IL15RA: variants seen among roughly 807,000 people sequenced by gnomAD.
IL15RA encodes interleukin 15 receptor subunit alpha.
A neutral mutation model predicts 24.2 loss-of-function variants in IL15RA; 26 were observed. The observed-to-expected ratio is 1.07, with a 90% CI of 0.79 to 1.49. The LOEUF is 1.49. Among genes scored for constraint, IL15RA ranks in the 40% most tolerant of loss-of-function variants. The pLI is 0.00. For synonymous variants in IL15RA, 166 were observed against 157.6 expected (o/e 1.05, Z -0.40); for missense variants, 354 against 356.4 (o/e 0.99, Z 0.05).
Position 5,953,173 on chromosome 10 carries a change from T to C in IL15RA, c.726A>G (p.Glu242=). ...QTPPLASVEM[E]AMEALPVTWG... Reference sequence around the variant, plus strand: ...AAGTCACCGGCAGAGCCTCCATGGCTTCCATTTCAACGCTGGCCAGCGGGG... The same window carrying C: ...AAGTCACCGGCAGAGCCTCCATGGCCTCCATTTCAACGCTGGCCAGCGGGG... The change falls in exon 7 of 7, where the codon GAA becomes GAG. Residue 242 remains glutamate (E), a synonymous_variant. Coordinates refer to ENST00000379977, the MANE Select transcript of IL15RA (RefSeq NM_002189.4). The surrounding 1 kb of genome is among the most constrained non-coding windows in gnomAD (Gnocchi z 5.3). 1.9e-6 allele frequency: 3 copies of C among 1,614,242 alleles called. No homozygotes were observed. The highest frequency in any genetic ancestry group is 2.2e-5 in the South Asian group (2 of 91,090).
At chr10:5,949,446 G>C (rs1047705307), downstream of IL15RA, 13 of 458,830 alleles carry the variant, frequency 2.8e-5, no homozygotes, top group African/African-American at 2.4e-4. The surrounding 1 kb of genome is among the most constrained non-coding windows in gnomAD (Gnocchi z 4.4). Flanking sequence ...AGTGTGAGGT[G>C]GGGGAGGCTG....
rs756975695 is a variant in IL15RA, at chr10:5,963,728, T to G, written c.382+15A>C. 1.8e-5 allele frequency: 27 copies of G among 1,492,044 alleles called. No individual in the cohort carries two copies. Among genetic ancestry groups the G allele is most frequent in the African/African-American group, 3.0e-5 (2 of 67,698 alleles). The allele number at this position is 1,492,044 out of a possible 1,614,324, so 92.4% of individuals were successfully genotyped here. A position where few individuals can be genotyped will look rare whatever the true frequency, so the allele number is the denominator to read the frequency against. On this transcript the variant is annotated intron_variant, in intron 3 of 6. Coordinates refer to ENST00000379977, the MANE Select transcript of IL15RA (RefSeq NM_002189.4). The surrounding 1 kb of genome is among the most constrained non-coding windows in gnomAD (Gnocchi z 5.3). Reference sequence around the variant, plus strand: ...GAGGGAATGAATGTCCTCGAGAAGTTTCTGACCTTCCTACCTTTTCCAGAA... The same window carrying G: ...GAGGGAATGAATGTCCTCGAGAAGTGTCTGACCTTCCTACCTTTTCCAGAA...
rs182801076 is a variant in IL15RA at position 5,975,754 on chromosome 10, G to A, written c.88+1651C>T. On this transcript the variant is annotated intron_variant, in intron 1 of 6. Coordinates refer to ENST00000379977, the MANE Select transcript of IL15RA (RefSeq NM_002189.4). This position sits in a 1 kb window ranked among gnomAD's most constrained non-coding sequence, Gnocchi z 4.8. ...ATTAAAAACACAAAAGTTACTGGGC[G>A]TGGTGGCGATCGCCTGTAATCCCAG... Among the ~76,000 whole-genome samples the A allele has an allele frequency of 3.8e-4, 58 of 152,204 alleles. No homozygotes were observed. Among genetic ancestry groups the A allele is most frequent in the African/African-American group, 7.5e-4 (31 of 41,518 alleles).
At chr10:5,951,292 C>T (rs961392518), downstream of IL15RA, among the ~76,000 whole-genome samples, 5 of 152,114 alleles carry the variant, frequency 3.3e-5, no homozygotes, top group Non-Finnish European at 7.4e-5. Flanking sequence ...CACTGCACTC[C>T]AGCCTGGGTG....
downstream of IL15RA, chr10:5,948,905 A>G: frequency 5.4e-6 from 1 of 184,756 alleles, no homozygotes; most frequent in Non-Finnish European, 1.2e-5. Context: ...TAAAATATTG[A>G]AAATATATAT....
chr10:5,971,680 C>T lies in IL15RA; in HGVS notation c.89-5341G>A, dbSNP rs1041510309. On this transcript the variant is annotated intron_variant, in intron 1 of 6. Transcript: ENST00000379977. This position sits in a 1 kb window ranked among gnomAD's most constrained non-coding sequence, Gnocchi z 5.5. ...CTGTGGAGCTGGTGTACGGAAAAGG[C>T]AAAGGCCTCTGGCCTCACAGTCACC... Among the ~76,000 whole-genome samples, 43 of 152,196 alleles carry T rather than the reference C, an allele frequency of 2.8e-4. No homozygotes were observed. Among genetic ancestry groups the T allele is most frequent in the Admixed American group, 1.0e-3 (16 of 15,286 alleles).
Position 5,968,005 on chromosome 10 carries a change from G to C in IL15RA, c.89-1666C>G, listed in dbSNP as rs1303696115. ...ACCTGAGAGGCGGAGGTTGCAGTGA[G>C]CCAAGATTGTGCCACTGCACTCGAG... is the stretch of plus-strand genomic sequence containing the variant. On this transcript the variant is annotated intron_variant, in intron 1 of 6. Coordinates refer to ENST00000379977, the MANE Select transcript of IL15RA (RefSeq NM_002189.4). This position sits in a 1 kb window ranked among gnomAD's most constrained non-coding sequence, Gnocchi z 5.4. Among the ~76,000 whole-genome samples, 4 of 152,154 alleles carry C rather than the reference G, an allele frequency of 2.6e-5. No individual in the cohort carries two copies. The highest frequency in any genetic ancestry group is 5.9e-5 in the Non-Finnish European group (4 of 68,030).
chr10:5,969,823 T>A (rs757797286), intron 1 of IL15RA, among the ~76,000 whole-genome samples: 1 of 152,234 alleles, frequency 6.6e-6, no homozygotes, highest in Non-Finnish European at 1.5e-5. Context: ...TCTCTTGATT[T>A]ATTTAAGAAT....
chr10:5,952,779 T>TA lies in IL15RA; in HGVS notation c.*315dup. The TA allele has an allele frequency of 2.6e-6, 1 of 380,084 alleles. No homozygotes were observed. Among genetic ancestry groups the TA allele is most frequent in the Non-Finnish European group, 4.7e-6 (1 of 212,270 alleles). 23.5% of individuals were successfully genotyped at this position (380,084 alleles called of 1,614,324 possible). On this transcript the variant is annotated 3_prime_UTR_variant, in exon 7 of 7. Transcript: ENST00000379977. Reference sequence around the variant, plus strand: ...ATTCGGGGCAGGGTTTTTATTTCATTACCACATGTATTCCAGGCAGCTCAC... The same window carrying TA: ...ATTCGGGGCAGGGTTTTTATTTCATTAACCACATGTATTCCAGGCAGCTCAC...
At position 5,960,325 on chromosome 10, in the gene IL15RA, C is replaced by T; in HGVS notation, c.583+42G>A. On this transcript the variant is annotated intron_variant, in intron 4 of 6. Coordinates refer to ENST00000379977, the MANE Select transcript of IL15RA (RefSeq NM_002189.4). The surrounding 1 kb of genome is among the most constrained non-coding windows in gnomAD (Gnocchi z 5.1). ...ATCTCAGCCCCGATCTCAGAAGCAG[C>T]AATGGGGAACTGACCTCTCCTGGGG... 6.5e-7 allele frequency: 1 copy of T among 1,543,510 alleles called. No individual in the cohort carries two copies. The highest frequency in any genetic ancestry group is 9.0e-7 in the Non-Finnish European group (1 of 1,116,216).
At chr10:5,949,210 G>C (rs1464872814), downstream of IL15RA, 1 of 471,280 alleles carries the variant, frequency 2.1e-6, no homozygotes, top group Admixed American at 2.3e-5. The surrounding 1 kb of genome is among the most constrained non-coding windows in gnomAD (Gnocchi z 4.4). Flanking sequence ...AATTGACAGA[G>C]AGCCTCAGGT....
At chr10:5,976,615 C>T (rs568257787) in intron 1 of IL15RA, among the ~76,000 whole-genome samples, 3 of 152,150 alleles carry the variant, frequency 2.0e-5, no homozygotes. Flanking sequence ...AGAGCTAGAC[C>T]CTGCTACTGT....
downstream of IL15RA, chr10:5,949,406 G>A: frequency 4.3e-6 from 2 of 469,734 alleles, no homozygotes; most frequent in Non-Finnish European, 4.4e-6. The surrounding 1 kb of genome is among the most constrained non-coding windows in gnomAD (Gnocchi z 4.4). Context: ...CCTAAAATAT[G>A]CACACATTGA....
At position 5,961,358 on chromosome 10, in the gene IL15RA, T is replaced by G. The variant is rs1835484857; in HGVS notation, c.383-791A>C. Among the ~76,000 whole-genome samples the G allele has an allele frequency of 6.6e-6, 1 of 152,028 alleles. No homozygotes were observed. The highest frequency in any genetic ancestry group is 2.4e-5 in the African/African-American group (1 of 41,374). On this transcript the variant is annotated intron_variant, in intron 3 of 6. Transcript: ENST00000379977. The surrounding 1 kb of genome is among the most constrained non-coding windows in gnomAD (Gnocchi z 5.2). The stretch of plus-strand genomic sequence containing the variant: ...GTTTGAGGCTGCAGTGACCTATAAT[T>G]GAGCCATTGCACTCTAGCCTGGGGG...
intron 1 of IL15RA, among the ~76,000 whole-genome samples, chr10:5,974,639 G>T (rs8177770): frequency 0.023 from 3,557 of 152,210 alleles, 67 homozygotes; most frequent in Middle Eastern, 0.054. Flanking sequence ...CACTTTGGGA[G>T]GCCAAAGCAG....
rs1836377778 is a variant in IL15RA at position 5,965,581 on chromosome 10, C to T, written c.283+564G>A. 6.6e-6 allele frequency among the ~76,000 whole-genome samples: 1 copy of T among 152,218 alleles called. No homozygotes were observed. The highest frequency in any genetic ancestry group is 1.5e-5 in the Non-Finnish European group (1 of 68,038). ...GTTTTCCAGATGACCAGCCAGAGTG[C>T]CAGAATATCACAAGAGCTGCCCAAG... On this transcript the variant is annotated intron_variant, in intron 2 of 6. Coordinates refer to ENST00000379977, the MANE Select transcript of IL15RA (RefSeq NM_002189.4). The surrounding 1 kb of genome is among the most constrained non-coding windows in gnomAD (Gnocchi z 5.8).
Position 5,964,689 on chromosome 10 carries a change from C to T in IL15RA, c.284-848G>A, listed in dbSNP as rs1294540518. ...CCATAGCTCTTCTCCATCCCGGATT[C>T]ATTTGCCCAAAGGACATGGAGTGTC... On this transcript the variant is annotated intron_variant, in intron 2 of 6. Transcript: ENST00000379977. This position sits in a 1 kb window ranked among gnomAD's most constrained non-coding sequence, Gnocchi z 5.6. Among the ~76,000 whole-genome samples the T allele has an allele frequency of 6.6e-6, 1 of 152,208 alleles. No homozygotes were observed. Among genetic ancestry groups the T allele is most frequent in the East Asian group, 1.9e-4 (1 of 5,194 alleles).
chr10:5,966,074 T>G lies in IL15RA; in HGVS notation c.283+71A>C. 7 of 1,070,270 alleles carry G rather than the reference T, an allele frequency of 6.5e-6. No homozygotes were observed. The highest frequency in any genetic ancestry group is 7.0e-6 in the Non-Finnish European group (5 of 709,298). 66.3% of individuals were successfully genotyped at this position (1,070,270 alleles called of 1,614,324 possible). A position where few individuals can be genotyped will look rare whatever the true frequency, so the allele number is the denominator to read the frequency against. ...AGCACAGATCCCTTGACCCCTGAGA[T>G]GGGGTCTTCTCTCTGTGCAGCCTTG... On this transcript the variant is annotated intron_variant, in intron 2 of 6. Transcript: ENST00000379977. This position sits in a 1 kb window ranked among gnomAD's most constrained non-coding sequence, Gnocchi z 6.4.
Position 5,968,782 on chromosome 10 carries a change from G to C in IL15RA, c.89-2443C>G, listed in dbSNP as rs1307908176. 2 of 705,818 alleles carry C rather than the reference G, an allele frequency of 2.8e-6. No individual in the cohort carries two copies. Among genetic ancestry groups the C allele is most frequent in the African/African-American group, 3.5e-5 (2 of 57,282 alleles). The allele number at this position is 705,818 out of a possible 1,614,324, so 43.7% of individuals were successfully genotyped here. A position where few individuals can be genotyped will look rare whatever the true frequency, so the allele number is the denominator to read the frequency against. ...TGATAGATGGCTGTGCTACCTGCTT[G>C]CTGCCTGCTTGTCCGATGGTGGTGG... On this transcript the variant is annotated intron_variant, in intron 1 of 6. Coordinates refer to ENST00000379977, the MANE Select transcript of IL15RA (RefSeq NM_002189.4). The surrounding 1 kb of genome is among the most constrained non-coding windows in gnomAD (Gnocchi z 5.4).
Sources: gnomAD v4.1 joint callset for allele counts (sites outside exome capture counted in the v4.1 genomes callset) on GRCh38, gnomAD v4.1.1 for gene constraint, Gnocchi (gnomAD v3.1) non-coding constraint, MANE v1.5 for transcripts, NCBI Gene and HGNC (gene_info 2026-07-23, HGNC 2026-07-21) for gene names.